PIR: variants seen among roughly 807,000 people sequenced by gnomAD.
The protein encoded by PIR is pirin (iron-binding nuclear protein).
Under a neutral mutation model 24.2 loss-of-function variants are expected in PIR, and 22 were observed. The observed-to-expected ratio is 0.91, with a 90% confidence interval of 0.65 to 1.30. The LOEUF is 1.30. PIR is among the 50% of genes most tolerant of loss of function. The pLI is 0.00. For synonymous variants in PIR, 80 were observed against 79.6 expected (o/e 1.00, Z -0.03); for missense variants, 220 against 220.3 (o/e 1.00, Z 0.01).
chrX:15,467,037 AC>A (rs770626226), intron 3 of PIR, among the ~76,000 whole-genome samples: 8 of 112,603 alleles, frequency 7.1e-5, no homozygotes, highest in Non-Finnish European at 1.3e-4. Context: ...TAACTTAGCT[AC>A]TATGGTGCCT....
intron 5 of PIR, among the ~76,000 whole-genome samples, chrX:15,446,882 A>C (rs750846639): frequency 8.0e-5 from 9 of 111,965 alleles, no homozygotes; most frequent in Non-Finnish European, 1.5e-4. Flanking sequence ...AGCCAAAGGA[A>C]TACTGAACAG....
At chrX:15,458,503 G>T (rs1045665531) in intron 4 of PIR, among the ~76,000 whole-genome samples, 2 of 111,117 alleles carry the variant, frequency 1.8e-5, no homozygotes, top group Non-Finnish European at 3.8e-5. Context: ...GCCAGGTGTG[G>T]TGTTGTGCAC....
intron 6 of PIR, among the ~76,000 whole-genome samples, chrX:15,425,474 C>T (rs1488258187): frequency 4.0e-5 from 4 of 99,883 alleles, no homozygotes; most frequent in Non-Finnish European, 7.9e-5. Flanking sequence ...TGCAGTGGTG[C>T]GATCTCGGCT....
chrX:15,442,230 C>T (rs1925939718), intron 5 of PIR, among the ~76,000 whole-genome samples: 1 of 110,973 alleles, frequency 9.0e-6, no homozygotes, highest in Non-Finnish European at 1.9e-5. Context: ...ATCACTATAT[C>T]TATTATCTGT....
intron 6 of PIR, among the ~76,000 whole-genome samples, chrX:15,410,252 G>GA (rs1310327510): frequency 2.8e-5 from 3 of 106,548 alleles, no homozygotes; most frequent in African/African-American, 7.5e-5. Context: ...CTCTGTCTCG[G>GA]AAAAAAACAA....
chrX:15,392,250 T>G (rs1289978084), intron 8 of PIR, among the ~76,000 whole-genome samples: 1 of 111,952 alleles, frequency 8.9e-6, no homozygotes, highest in Non-Finnish European at 1.9e-5. Flanking sequence ...CACTAATAGA[T>G]AACTGAACAT....
intron 5 of PIR, among the ~76,000 whole-genome samples, chrX:15,446,560 C>T (rs961674894): frequency 2.7e-5 from 3 of 111,914 alleles, no homozygotes; most frequent in South Asian, 3.8e-4. Flanking sequence ...TGTCCTGGGC[C>T]GCGAGTTGAA....
intron 6 of PIR, among the ~76,000 whole-genome samples, chrX:15,418,720 G>T (rs1466380604): frequency 8.9e-6 from 1 of 112,023 alleles, no homozygotes; most frequent in Non-Finnish European, 1.9e-5. Context: ...AGTATTCATG[G>T]GAAGGAACTC....
At chrX:15,464,345 A>AT in intron 3 of PIR, 1 of 653,589 alleles carries the variant, frequency 1.5e-6, no homozygotes, top group Non-Finnish European at 1.8e-6. Flanking sequence ...TTCTGTAATA[A>AT]TTAATTGACT....
At chrX:15,393,372 T>C (rs1159840) in intron 8 of PIR, among the ~76,000 whole-genome samples, 4,032 of 112,067 alleles carry the variant, frequency 0.036, 150 homozygotes, top group African/African-American at 0.12. Context: ...ACTTCTAAAC[T>C]ATGAGTAGCT....
At chrX:15,446,514 A>G (rs1291859152) in intron 5 of PIR, among the ~76,000 whole-genome samples, 1 of 112,005 alleles carries the variant, frequency 8.9e-6, no homozygotes, top group African/African-American at 3.2e-5. Flanking sequence ...ATGTTTTAAG[A>G]AAGTATATAA....
At chrX:15,452,338 C>T (rs1306393564) in intron 5 of PIR, among the ~76,000 whole-genome samples, 1 of 111,473 alleles carries the variant, frequency 9.0e-6, no homozygotes, top group Non-Finnish European at 1.9e-5. Flanking sequence ...TCAAACTATC[C>T]CATTTTAACC....
chrX:15,456,987 A>G (rs1242914599), intron 4 of PIR, among the ~76,000 whole-genome samples: 1 of 112,308 alleles, frequency 8.9e-6, no homozygotes, highest in Admixed American at 9.4e-5. Flanking sequence ...AGAAGTTGTG[A>G]GACAAAGACA....
intron 5 of PIR, among the ~76,000 whole-genome samples, chrX:15,436,683 C>T (rs182582286): frequency 1.8e-5 from 2 of 112,196 alleles, no homozygotes; most frequent in African/African-American, 6.5e-5. Context: ...ATATTCCTCA[C>T]AAGGCTTCTA....
At position 15,455,916 on chromosome X, in the gene PIR, C is replaced by A; in HGVS notation, c.412G>T (p.Glu138Ter). Reference protein sequence around the residue: ...EPQYQELKSEEIPKPSKDGVT... With the variant: ...EPQYQELKSE ...CCATCCTTACTGGGTTTAGGGATTTCTTCACTTTTCAGTTCCTGGTACTGA... is the reference window on the plus strand; with the variant it reads ...CCATCCTTACTGGGTTTAGGGATTTATTCACTTTTCAGTTCCTGGTACTGA... The change falls in exon 5 of 10, where the codon GAA becomes TAA. Residue 138 changes from glutamate to a stop codon, truncating the protein, a stop_gained. Coordinates refer to ENST00000380420, the MANE Select transcript of PIR (RefSeq NM_001018109.3). LOFTEE classifies it high-confidence loss of function. 1.7e-6 allele frequency: 2 copies of A among 1,210,498 alleles called. No individual in the cohort carries two copies. Among genetic ancestry groups the A allele is most frequent in the Non-Finnish European group, 2.2e-6 (2 of 894,197 alleles).
chrX:15,397,499 G>T lies in PIR; in HGVS notation c.643C>A (p.His215Asn). Reference protein sequence around the residue: ...PDDAQQKIEPHHTAVLGEGDS... With the variant: ...PDDAQQKIEPNHTAVLGEGDS... ...CCTTCTCCAAGCACTGCTGTGTGATGAGGTTCTATTTTTTGTTGTGCATCA... is the reference window on the plus strand; with the variant it reads ...CCTTCTCCAAGCACTGCTGTGTGATTAGGTTCTATTTTTTGTTGTGCATCA... The change falls in exon 8 of 10, where the codon CAT becomes AAT. Residue 215 changes from histidine to asparagine, a missense_variant. Physicochemically the swap from His to Asn is moderately conservative, Grantham distance 68 (BLOSUM62 1). Transcript: ENST00000380420. The T allele has an allele frequency of 8.3e-7, 1 of 1,208,017 alleles. No homozygotes were observed. Among genetic ancestry groups the T allele is most frequent in the Non-Finnish European group, 1.1e-6 (1 of 891,999 alleles).
chrX:15,449,453 T>A (rs2147054218), intron 5 of PIR, among the ~76,000 whole-genome samples: 1 of 111,934 alleles, frequency 8.9e-6, no homozygotes, highest in Admixed American at 9.5e-5. Flanking sequence ...TTAAAGCACT[T>A]CTCATAGCAT....
intron 2 of PIR, among the ~76,000 whole-genome samples, chrX:15,488,296 A>G (rs865970462): frequency 1.1e-4 from 8 of 74,003 alleles, no homozygotes; most frequent in East Asian, 4.0e-4. Context: ...AAAAAAAAAA[A>G]AAAAGAAAAG....
chrX:15,437,355 C>A (rs928534566), intron 5 of PIR, among the ~76,000 whole-genome samples: 1 of 112,016 alleles, frequency 8.9e-6, no homozygotes, highest in Non-Finnish European at 1.9e-5. Context: ...CTCATTCTAT[C>A]AGGAATTCTA....
Sources: gnomAD v4.1 joint callset for allele counts (sites outside exome capture counted in the v4.1 genomes callset) on GRCh38, gnomAD v4.1.1 for gene constraint, MANE v1.5 for transcripts, NCBI Gene and HGNC (gene_info 2026-07-23, HGNC 2026-07-21) for gene names.